Variants in EXOSC9 observed in about 807,000 individuals in gnomAD.
The protein encoded by EXOSC9 is exosome complex component RRP45.
EXOSC9 carries 38 observed loss-of-function variants against 56.5 expected under a neutral mutation model. The ratio of observed to expected loss-of-function variants is 0.67; its 90% CI spans 0.52 to 0.88. The LOEUF is 0.88. Ranked by LOEUF, EXOSC9 falls within the 40% of genes least tolerant of loss-of-function variation. The probability of loss-of-function intolerance (pLI) is 0.00; values close to 1 mark genes in which losing one functional copy is unlikely to be tolerated. For synonymous variants in EXOSC9, 170 were observed against 170.8 expected, an observed-to-expected ratio of 0.99 and a Z score of 0.04; for missense variants, 559 against 530.5, an observed-to-expected ratio of 1.05 and a Z score of -0.53.
At chr4:121,809,664 G>A (rs1727147674) in intron 6 of EXOSC9, among the ~76,000 whole-genome samples, 3 of 152,172 alleles carry the variant, frequency 2.0e-5, no homozygotes, top group Admixed American at 6.5e-5. Flanking sequence ...TTTTATTAAT[G>A]AGCCAGAAGT....
chr4:121,805,048 A>G (rs893467028), intron 5 of EXOSC9, among the ~76,000 whole-genome samples: 2 of 152,228 alleles, frequency 1.3e-5, no homozygotes, highest in Non-Finnish European at 2.9e-5. Context: ...ACTTATGTTT[A>G]GGGGCCATAT....
chr4:121,811,840 A>G (rs1485237491), intron 8 of EXOSC9, among the ~76,000 whole-genome samples, 169 bp downstream of exon 8: 1 of 152,216 alleles, frequency 6.6e-6, no homozygotes, highest in Non-Finnish European at 1.5e-5. Context: ...ATACCATGGT[A>G]TAGTTATGTT....
At chr4:121,803,133 T>G (rs1477408846) in intron 4 of EXOSC9, 116 bp downstream of exon 4, 2 of 718,426 alleles carry the variant, frequency 2.8e-6, no homozygotes, top group African/African-American at 3.6e-5. Context: ...CTGGTTTGCT[T>G]CACTTCAGAT....
chr4:121,816,332 C>CTTTT, intron 10 of EXOSC9, 37 bp from the exon 11 acceptor site: 17 of 956,930 alleles, frequency 1.8e-5, no homozygotes, highest in South Asian at 2.3e-5. Context: ...GATTGCTTAA[C>CTTTT]TTTTTTTTTT....
chr4:121,809,729 C>A, intron 6 of EXOSC9: 4 of 520,124 alleles, frequency 7.7e-6, no homozygotes, highest in South Asian at 4.7e-5. Context: ...TAAGTAAATC[C>A]AATCTGAACT....
intron 10 of EXOSC9, chr4:121,814,494 TG>T (rs1004434158): frequency 1.3e-5 from 2 of 152,434 alleles, no homozygotes; most frequent in African/African-American, 4.8e-5. Context: ...TCCTCCCTGC[TG>T]TCTTTTTTTT....
In EXOSC9 at chr4:121,816,998, T is replaced by C; in HGVS notation, c.*142T>C. ...ATAGTTTTTTGTTTTTAATGTGCTTTAAAATAATAAACCTTCTGGAGCATT... is the reference window on the plus strand; with the variant it reads ...ATAGTTTTTTGTTTTTAATGTGCTTCAAAATAATAAACCTTCTGGAGCATT... On this transcript the variant is annotated 3_prime_UTR_variant, in exon 12 of 12. Transcript: ENST00000243498. 2 of 807,630 alleles carry C rather than the reference T, an allele frequency of 2.5e-6. No homozygotes were observed. The allele number at this position is 807,630 out of a possible 1,614,324, so 50.0% of individuals were successfully genotyped here.
intron 5 of EXOSC9, among the ~76,000 whole-genome samples, chr4:121,806,073 G>A (rs1209826963): frequency 6.6e-6 from 1 of 152,066 alleles, no homozygotes; most frequent in East Asian, 1.9e-4. Flanking sequence ...CCAAACTGTT[G>A]GGATTACAGG....
chr4:121,801,518 C>T (rs766103135), intron 1 of EXOSC9, 28 bp downstream of exon 1: 12 of 1,609,002 alleles, frequency 7.5e-6, no homozygotes, highest in Non-Finnish European at 1.0e-5. Flanking sequence ...CAGAATTGCG[C>T]GCTGCGTGGG....
At chr4:121,803,813 C>T (rs1475087722) in intron 4 of EXOSC9, among the ~76,000 whole-genome samples, 2 of 151,926 alleles carry the variant, frequency 1.3e-5, no homozygotes, top group Admixed American at 6.6e-5. Flanking sequence ...GGATTACAGG[C>T]GTGAGCTACT....
rs184185116 is a variant in EXOSC9 at position 121,811,462 on chromosome 4, T to C, written c.739-121T>C. ...TGCCTTAATCTGTGTTTACATTGTA[T>C]TCATGTTTGGAAAAGTCAGGCTTAA... is the stretch of plus-strand genomic sequence containing the variant. On this transcript the variant is annotated intron_variant, in intron 7 of 11. Transcript: ENST00000243498. 8 of 540,326 alleles carry C rather than the reference T, an allele frequency of 1.5e-5. No homozygotes were observed. In the Admixed American group the frequency reaches 2.6e-4, roughly 18 times the overall value. The allele number at this position is 540,326 out of a possible 1,614,324, so 33.5% of individuals were successfully genotyped here. A position where few individuals can be genotyped will look rare whatever the true frequency, so the allele number is the denominator to read the frequency against.
Position 121,801,846 on chromosome 4 carries a change from C to T in EXOSC9, c.86C>T (p.Thr29Ile), listed in dbSNP as rs765550002. 6.2e-7 allele frequency: 1 copy of T among 1,613,676 alleles called. No individual in the cohort carries two copies. Among genetic ancestry groups the T allele is most frequent in the Non-Finnish European group, 8.5e-7 (1 of 1,179,618 alleles). Reference protein sequence around the residue: ...EEKKRLDGRQTYDYRNIRISF... With the variant: ...EEKKRLDGRQIYDYRNIRISF... ...TTACAGCGGCTGGATGGCAGACAAA[C>T]CTATGATTATAGGAACATCAGGATC... The change falls in exon 2 of 12, where the codon ACC becomes ATC. Residue 29 changes from threonine to isoleucine, a missense_variant. Transcript: ENST00000243498.
chr4:121,802,702 G>A lies in EXOSC9; in HGVS notation c.190G>A (p.Val64Met), dbSNP rs1347321929. 1 of 1,614,050 alleles carries A rather than the reference G, an allele frequency of 6.2e-7. No individual in the cohort carries two copies. Among genetic ancestry groups the A allele is most frequent in the South Asian group, 1.1e-5 (1 of 91,078 alleles). ...TCTTGGACAGGTTTCCTGTGAACTT[G>A]TGTCTCCAAAACTCAATCGGGCAAC... is the stretch of plus-strand genomic sequence containing the variant. ...RVLGQVSCEL[V>M]SPKLNRATEG... The change falls in exon 3 of 12, where the codon GTG becomes ATG. Residue 64 changes from valine (V) to methionine (M), a missense_variant. By Grantham distance (21) the Val-to-Met change is conservative. Coordinates refer to ENST00000243498, the MANE Select transcript of EXOSC9 (RefSeq NM_005033.3).
chr4:121,812,190 C>T (rs1180945410), intron 8 of EXOSC9, among the ~76,000 whole-genome samples: 1 of 152,156 alleles, frequency 6.6e-6, no homozygotes, highest in Non-Finnish European at 1.5e-5. Context: ...AAGTCTGGGT[C>T]AAGTCCAGAA....
intron 7 of EXOSC9, among the ~76,000 whole-genome samples, chr4:121,810,900 C>T (rs941966611): frequency 6.6e-6 from 1 of 152,024 alleles, no homozygotes; most frequent in Non-Finnish European, 1.5e-5. Context: ...CAATAGTAGA[C>T]ATTATGTAAA....
At chr4:121,811,074 C>T (rs1300941894) in intron 7 of EXOSC9, among the ~76,000 whole-genome samples, 1 of 152,198 alleles carries the variant, frequency 6.6e-6, no homozygotes, top group Non-Finnish European at 1.5e-5. Flanking sequence ...TGCCCCCATA[C>T]TAGCTGATCT....
In EXOSC9 at chr4:121,801,887, T is replaced by C; in HGVS notation, c.127T>C (p.Tyr43His). ...RNIRISFGTD[Y>H]GCCIVELGKT... is the part of the protein sequence containing the mutation. ...CATCAGGATCTCATTTGGAACAGATTACGGATGCTGCATTGTGGAACTTGG... is the reference window on the plus strand; with the variant it reads ...CATCAGGATCTCATTTGGAACAGATCACGGATGCTGCATTGTGGAACTTGG... The change falls in exon 2 of 12, where the codon TAC (tyrosine) becomes CAC (histidine). Residue 43 changes from tyrosine to histidine, a missense_variant. Transcript: ENST00000243498. The C allele has an allele frequency of 6.2e-7, 1 of 1,613,936 alleles. No homozygotes were observed. The highest frequency in any genetic ancestry group is 8.5e-7 in the Non-Finnish European group (1 of 1,179,810).
At chr4:121,816,078 C>A in intron 10 of EXOSC9, 1 of 708,024 alleles carries the variant, frequency 1.4e-6, no homozygotes. Flanking sequence ...ATGCCTCAGC[C>A]TCGAGTAGCT....
At chr4:121,815,015 CAA>C (rs1724438751) in intron 10 of EXOSC9, 1 of 152,104 alleles carries the variant, frequency 6.6e-6, no homozygotes, top group Non-Finnish European at 1.5e-5. Flanking sequence ...CTTCTGTTTT[CAA>C]AGAGAGAAAT....
Sources: allele counts gnomAD v4.1 joint callset (sites outside exome capture counted in the v4.1 genomes callset), GRCh38; gene constraint gnomAD v4.1.1; transcripts MANE v1.5; gene names NCBI Gene and HGNC (gene_info 2026-07-23, HGNC 2026-07-21).